UNC79: variants seen among roughly 807,000 people sequenced by gnomAD.
UNC79 encodes the protein protein unc-79 homolog.
A neutral mutation model predicts 283.1 loss-of-function variants in UNC79; 37 were observed. The ratio of observed to expected loss-of-function variants is 0.13; its 90% CI spans 0.10 to 0.17. UNC79 has a LOEUF of 0.17. UNC79 is among the 10% of genes least tolerant of loss of function. UNC79 has a pLI of 1.00. For missense variants in UNC79, 2,272 were observed against 3,211.1 expected (o/e 0.71, Z 7.07); for synonymous variants, 1,107 against 1,200.2 (o/e 0.92, Z 1.61).
intron 1 of UNC79, among the ~76,000 whole-genome samples, chr14:93,338,359 A>C (rs1217581759): frequency 6.6e-6 from 1 of 152,084 alleles, no homozygotes. Context: ...CATGATTATA[A>C]ACTTTCTAAG....
intron 2 of UNC79, among the ~76,000 whole-genome samples, chr14:93,469,706 C>T (rs2057402927): frequency 6.6e-6 from 1 of 151,950 alleles, no homozygotes; most frequent in East Asian, 1.9e-4. Flanking sequence ...ATAGTAAGAC[C>T]CCATCTCTAA....
chr14:93,553,336 T>C (rs1401158919), intron 14 of UNC79, among the ~76,000 whole-genome samples: 1 of 152,134 alleles, frequency 6.6e-6, no homozygotes, highest in African/African-American at 2.4e-5. Context: ...ATTATTTCAA[T>C]CTCCTATTTG....
chr14:93,591,493 A>G (rs905388594), intron 22 of UNC79, among the ~76,000 whole-genome samples: 1 of 152,266 alleles, frequency 6.6e-6, no homozygotes, highest in African/African-American at 2.4e-5. Context: ...TTCTTACAAT[A>G]AAGTAAGCCA....
At chr14:93,595,158 C>T (rs188649686) in intron 23 of UNC79, among the ~76,000 whole-genome samples, 1 of 151,306 alleles carries the variant, frequency 6.6e-6, no homozygotes, top group Admixed American at 6.6e-5. Context: ...GGAGTGATCT[C>T]GGCTCACTGC....
At chr14:93,414,643 A>T (rs1748679221) in intron 1 of UNC79, among the ~76,000 whole-genome samples, 1 of 152,074 alleles carries the variant, frequency 6.6e-6, no homozygotes. Context: ...CACAATATTG[A>T]TTCTTCCTAC....
chr14:93,539,650 C>A (rs941222307), intron 12 of UNC79, among the ~76,000 whole-genome samples: 1 of 152,062 alleles, frequency 6.6e-6, no homozygotes, highest in Non-Finnish European at 1.5e-5. Context: ...TTTGTCAAAT[C>A]GAATATTATG....
intron 26 of UNC79, 139 bp downstream of exon 26, chr14:93,603,557 T>G: frequency 1.9e-6 from 2 of 1,058,632 alleles, no homozygotes; most frequent in South Asian, 3.4e-5. Flanking sequence ...TCAGATTCCC[T>G]AGAGAATCAC....
chr14:93,348,553 T>A (rs1032072110), intron 1 of UNC79, among the ~76,000 whole-genome samples: 1 of 152,210 alleles, frequency 6.6e-6, no homozygotes, highest in Non-Finnish European at 1.5e-5. Context: ...GTTTTTATGT[T>A]CTATTAGTAC....
intron 46 of UNC79, among the ~76,000 whole-genome samples, chr14:93,694,075 G>C (rs1389807797): frequency 6.6e-6 from 1 of 152,172 alleles, no homozygotes; most frequent in East Asian, 1.9e-4. Context: ...AGATTAGTGA[G>C]ATCAATGCCT....
chr14:93,536,219 C>A lies in UNC79; in HGVS notation c.1123-1770C>A, dbSNP rs548313512. Among the ~76,000 whole-genome samples the A allele has an allele frequency of 2.6e-5, 4 of 152,332 alleles. No individual in the cohort carries two copies. The South Asian group carries it at 8.3e-4, about 32-fold the overall frequency. ...GGTAGTCATGTCCGAATCTCTGATC[C>A]ACAGAGCCTATGAACATAATTAAAT... On this transcript the variant is annotated intron_variant, in intron 11 of 48. Coordinates refer to ENST00000555664, the Ensembl canonical transcript of UNC79.
chr14:93,395,627 G>A (rs2054979055), intron 1 of UNC79, among the ~76,000 whole-genome samples: 1 of 152,190 alleles, frequency 6.6e-6, no homozygotes, highest in Non-Finnish European at 1.5e-5. Flanking sequence ...TGGGGACATG[G>A]AGCCAAACCA....
In UNC79 at chr14:93,688,633, C is replaced by A; in HGVS notation, c.6910-32C>A. 6.3e-7 allele frequency: 1 copy of A among 1,599,064 alleles called. No homozygotes were observed. The highest frequency in any genetic ancestry group is 8.5e-7 in the Non-Finnish European group (1 of 1,170,862). ...GGCCTGGAATGAATCCAGGTGTCTG[C>A]CAGAGTTACAAAATACCATTCGGTT... On this transcript the variant is annotated intron_variant, in intron 43 of 48. Coordinates refer to ENST00000555664, the Ensembl canonical transcript of UNC79. The surrounding 1 kb of genome is among the most constrained non-coding windows in gnomAD (Gnocchi z 4.0).
intron 41 of UNC79, among the ~76,000 whole-genome samples, chr14:93,678,583 G>T (rs2073555218): frequency 6.6e-6 from 1 of 152,174 alleles, no homozygotes; most frequent in Non-Finnish European, 1.5e-5. Flanking sequence ...AAGAAATGTG[G>T]GATCACCCAA....
intron 1 of UNC79, among the ~76,000 whole-genome samples, chr14:93,402,330 T>C (rs1045950464): frequency 5.6e-5 from 7 of 125,044 alleles, no homozygotes; most frequent in African/African-American, 2.1e-4. Context: ...CTTAAAAAAA[T>C]TATGAGACTG....
chr14:93,532,500 T>G, intron 10 of UNC79, 50 bp from the exon 11 acceptor site: 1 of 1,585,182 alleles, frequency 6.3e-7, no homozygotes, highest in Non-Finnish European at 8.6e-7. Context: ...AAATAAAAAT[T>G]AGAGGGGCTC....
chr14:93,519,288 A>T (rs2060212193), intron 7 of UNC79, among the ~76,000 whole-genome samples: 1 of 151,882 alleles, frequency 6.6e-6, no homozygotes, highest in Non-Finnish European at 1.5e-5. Flanking sequence ...TTTCTCTGAT[A>T]TTAATATAGA....
At chr14:93,417,322 T>C (rs1343773636) in intron 1 of UNC79, among the ~76,000 whole-genome samples, 1 of 152,202 alleles carries the variant, frequency 6.6e-6, no homozygotes, top group Non-Finnish European at 1.5e-5. Flanking sequence ...TTGAAAATTC[T>C]TTTCTTTAAG....
intron 35 of UNC79, 26 bp downstream of exon 38, chr14:93,646,672 C>A (rs1268572075): frequency 1.5e-5 from 24 of 1,612,788 alleles, no homozygotes; most frequent in Non-Finnish European, 1.8e-5. Flanking sequence ...GAGCCCAGAT[C>A]TCACTTTCTT....
In UNC79 at chr14:93,365,448, A is replaced by G. The variant is rs1434757746; in HGVS notation, c.-351+31925A>G. ...TTTCACCAAATACTTGAGGAAAATCAATACCATAAAAAAGAAGTACCAAAC... is the reference window on the plus strand; with the variant it reads ...TTTCACCAAATACTTGAGGAAAATCGATACCATAAAAAAGAAGTACCAAAC... On this transcript the variant is annotated intron_variant, in intron 1 of 49. Coordinates refer to the UNC79 transcript ENST00000256339. Among the ~76,000 whole-genome samples the G allele has an allele frequency of 2.0e-5, 3 of 152,044 alleles. No individual in the cohort carries two copies. In the East Asian group the frequency reaches 5.8e-4, roughly 29 times the overall value.
Sources: allele counts gnomAD v4.1 joint callset (sites outside exome capture counted in the v4.1 genomes callset), GRCh38; gene constraint gnomAD v4.1.1; non-coding constraint Gnocchi (gnomAD v3.1); transcripts MANE v1.5; gene names NCBI Gene and HGNC (gene_info 2026-07-23, HGNC 2026-07-21).